FAM174B: variants seen among roughly 807,000 people sequenced by gnomAD.
FAM174B encodes the protein membrane protein FAM174B.
FAM174B carries 12 observed loss-of-function variants against 10.9 expected under a neutral mutation model. That is an observed-to-expected ratio of 1.10 (90% CI 0.71 to 1.79). The LOEUF is 1.79. FAM174B is among the 40% of genes most tolerant of loss of function. FAM174B has a pLI of 0.00. For missense variants in FAM174B, 266 were observed against 233.3 expected, an observed-to-expected ratio of 1.14 and a Z score of -0.91; for synonymous variants, 132 against 115.8, an observed-to-expected ratio of 1.14 and a Z score of -0.90.
At chr15:92,641,998 G>A (rs2050894925) in intron 1 of FAM174B, among the ~76,000 whole-genome samples, 1 of 152,056 alleles carries the variant, frequency 6.6e-6, no homozygotes, top group Non-Finnish European at 1.5e-5. Context: ...ATGTAAAATG[G>A]GCAAAAGACC....
chr15:92,626,114 A>ATTTTT (rs67649021), intron 2 of FAM174B, among the ~76,000 whole-genome samples: 5 of 105,054 alleles, frequency 4.8e-5, no homozygotes, highest in Middle Eastern at 9.6e-3. Flanking sequence ...AGGTTGCTGG[A>ATTTTT]TTTTTTTTTT....
At chr15:92,639,231 C>G (rs1345357575) in intron 1 of FAM174B, 1 of 151,936 alleles carries the variant, frequency 6.6e-6, no homozygotes, top group East Asian at 1.9e-4. Context: ...AGAGGTGCCC[C>G]TGCAAGTTCT....
intron 1 of FAM174B, among the ~76,000 whole-genome samples, chr15:92,645,924 G>C (rs2050923926): frequency 6.6e-6 from 1 of 152,174 alleles, no homozygotes; most frequent in African/African-American, 2.4e-5. Flanking sequence ...CCAAGGCCCA[G>C]CTGCATGGCT....
intron 2 of FAM174B, among the ~76,000 whole-genome samples, chr15:92,628,608 C>T (rs1365555114): frequency 3.9e-5 from 6 of 152,014 alleles, no homozygotes. Context: ...TCAAAGGGTG[C>T]TGCCCTTTAC....
rs774547408 is a variant in FAM174B at position 92,630,352 on chromosome 15, GAGA to G, written c.345-10_345-8del. ...CTTTAACCTCTTTCCCGACCTGCAG[GAGA>G]AGAAGCACATTCATGAGAACACAGC... On this transcript the variant is annotated splice_polypyrimidine_tract_variant and splice_region_variant and intron_variant, in intron 1 of 2. Transcript: ENST00000327355. 23 of 1,606,692 alleles carry G rather than the reference GAGA, an allele frequency of 1.4e-5. No homozygotes were observed. The African/African-American group carries it at 1.6e-4, about 11-fold the overall frequency.
At chr15:92,642,747 A>G (rs2050899606) in intron 1 of FAM174B, among the ~76,000 whole-genome samples, 1 of 152,200 alleles carries the variant, frequency 6.6e-6, no homozygotes, top group Non-Finnish European at 1.5e-5. Flanking sequence ...TCCCAGTCTC[A>G]GGCAGTTCCT....
chr15:92,638,718 A>C (rs1367519440), intron 1 of FAM174B, among the ~76,000 whole-genome samples: 1 of 152,108 alleles, frequency 6.6e-6, no homozygotes, highest in Non-Finnish European at 1.5e-5. Flanking sequence ...CACAGCCTCT[A>C]ACACTTCTCA....
chr15:92,638,701 C>G (rs1405925044), intron 1 of FAM174B, among the ~76,000 whole-genome samples: 3 of 152,184 alleles, frequency 2.0e-5, no homozygotes, highest in African/African-American at 4.8e-5. Context: ...GGTCCGGGTT[C>G]TGATGACACA....
In FAM174B at chr15:92,631,196, T is replaced by C. The variant is rs2050799442; in HGVS notation, c.345-851A>G. On this transcript the variant is annotated intron_variant, in intron 1 of 2. Coordinates refer to ENST00000327355, the MANE Select transcript of FAM174B (RefSeq NM_207446.3). ...TTTATATATTATATTATATATTATA[T>C]ATATTACATATATTATATATTATAT... Among the ~76,000 whole-genome samples the C allele has an allele frequency of 1.9e-4, 4 of 21,204 alleles. 2 individuals are homozygous for C. Among genetic ancestry groups the C allele is most frequent in the Non-Finnish European group, 3.7e-4 (4 of 10,726 alleles). 13.9% of individuals were successfully genotyped at this position (21,204 alleles called of 152,430 possible). A position where few individuals can be genotyped will look rare whatever the true frequency, so the allele number is the denominator to read the frequency against.
chr15:92,643,294 T>C (rs2050903612), intron 1 of FAM174B, among the ~76,000 whole-genome samples: 1 of 151,682 alleles, frequency 6.6e-6, no homozygotes, highest in Admixed American at 6.6e-5. Flanking sequence ...TGAGTGAATA[T>C]AGTATATAAG....
chr15:92,640,991 A>G (rs1448775763), intron 1 of FAM174B, among the ~76,000 whole-genome samples: 6 of 152,266 alleles, frequency 3.9e-5, no homozygotes, highest in African/African-American at 1.4e-4. Flanking sequence ...ATATATATAT[A>G]GTCCCTAAAA....
rs1221388266 is a variant in FAM174B, at chr15:92,618,452, G to A, written c.*1004C>T. Reference sequence around the variant, plus strand: ...TTCCGGCAGGGACCTCCTGGGTCCTGTGGGGTCTCCTGGGTCCAGGTGGGT... The same window carrying A: ...TTCCGGCAGGGACCTCCTGGGTCCTATGGGGTCTCCTGGGTCCAGGTGGGT... On this transcript the variant is annotated 3_prime_UTR_variant, in exon 3 of 3. Coordinates refer to ENST00000327355, the MANE Select transcript of FAM174B (RefSeq NM_207446.3). The A allele has an allele frequency of 6.6e-6, 1 of 152,440 alleles. No individual in the cohort carries two copies. The highest frequency in any genetic ancestry group is 1.9e-4 in the East Asian group (1 of 5,200). 9.4% of individuals were successfully genotyped at this position (152,440 alleles called of 1,614,324 possible).
rs73458591 is a variant in FAM174B, at chr15:92,645,121, C to G, written c.344+10195G>C. Among the ~76,000 whole-genome samples the G allele has an allele frequency of 9.7e-3, 1,482 of 152,332 alleles. 26 individuals are homozygous for G. The highest frequency in any genetic ancestry group is 0.032 in the African/African-American group (1,319 of 41,560). On this transcript the variant is annotated intron_variant, in intron 1 of 2. Coordinates refer to ENST00000327355, the MANE Select transcript of FAM174B (RefSeq NM_207446.3). ...GATATTTAGTAACTCAGCTCAAAAT[C>G]ATGAGCCCAGAGAGATGTAATGATA...
At chr15:92,627,886 T>A (rs1367038643) in intron 2 of FAM174B, among the ~76,000 whole-genome samples, 38 of 152,346 alleles carry the variant, frequency 2.5e-4, no homozygotes, top group Admixed American at 2.2e-3. Flanking sequence ...TAAAATGGCT[T>A]AGCGATAAAA....
At chr15:92,635,990 G>A (rs919037677) in intron 1 of FAM174B, among the ~76,000 whole-genome samples, 30 of 152,130 alleles carry the variant, frequency 2.0e-4, no homozygotes, top group Non-Finnish European at 3.4e-4. Flanking sequence ...CTTCAGATCC[G>A]CAAGCCTGTC....
chr15:92,626,320 G>C (rs1029360805), intron 2 of FAM174B, among the ~76,000 whole-genome samples: 3 of 151,850 alleles, frequency 2.0e-5, no homozygotes, highest in Admixed American at 6.6e-5. Flanking sequence ...GGATGGTCTC[G>C]ATCTCCTGAC....
chr15:92,621,224 C>G (rs2050717195), intron 2 of FAM174B, among the ~76,000 whole-genome samples: 1 of 152,144 alleles, frequency 6.6e-6, no homozygotes, highest in African/African-American at 2.4e-5. Flanking sequence ...AAAATGTTAA[C>G]AGGAAAATAT....
intron 1 of FAM174B, among the ~76,000 whole-genome samples, chr15:92,638,129 C>A (rs1407373967): frequency 6.6e-6 from 1 of 152,164 alleles, no homozygotes; most frequent in Non-Finnish European, 1.5e-5. Context: ...CTGAGATAGG[C>A]TACTGTTAAC....
At chr15:92,626,414 T>A (rs12324189) in intron 2 of FAM174B, among the ~76,000 whole-genome samples, 21,291 of 152,160 alleles carry the variant, frequency 0.14, 1,822 homozygotes, top group East Asian at 0.22. Flanking sequence ...GGATTTTTTT[T>A]AAAAAAATCA....
Sources: gnomAD v4.1 joint callset for allele counts (sites outside exome capture counted in the v4.1 genomes callset) on GRCh38, gnomAD v4.1.1 for gene constraint, MANE v1.5 for transcripts, NCBI Gene and HGNC (gene_info 2026-07-23, HGNC 2026-07-21) for gene names.